The following RXRG variants were observed in gnomAD, a reference collection of about 807,000 sequenced individuals.
RXRG encodes retinoid X receptor gamma, also known as retinoic acid receptor RXR-gamma.
In RXRG, 19 loss-of-function variants were observed where a neutral mutation model predicts 49.2. That is an observed-to-expected ratio of 0.39 (90% CI 0.27 to 0.57). The LOEUF (loss-of-function observed/expected upper bound fraction) is 0.57. Ranked by LOEUF, RXRG falls within the 20% of genes least tolerant of loss-of-function variation. RXRG has a pLI of 0.64. For missense variants in RXRG, 452 were observed against 592.5 expected, an observed-to-expected ratio of 0.76 and a Z score of 2.46; for synonymous variants, 224 against 216.6, an observed-to-expected ratio of 1.03 and a Z score of -0.30.
intron 2 of RXRG, among the ~76,000 whole-genome samples, chr1:165,423,706 G>A (rs527615059): frequency 6.6e-6 from 1 of 151,946 alleles, no homozygotes; most frequent in African/African-American, 2.4e-5. Context: ...GTGTTGCTGG[G>A]GGCGGTGGGG....
chr1:165,417,638 A>G (rs977276707), intron 3 of RXRG, among the ~76,000 whole-genome samples: 1 of 152,234 alleles, frequency 6.6e-6, no homozygotes, highest in African/African-American at 2.4e-5. Context: ...ATTATAATTG[A>G]GACCCAAGTT....
At position 165,444,830 on chromosome 1, in the gene RXRG, A is replaced by G. The variant is rs1659109989; in HGVS notation, c.49+15T>C. The stretch of plus-strand genomic sequence containing the variant: ...CATACAGGTCCACGCAGTGAAGCCC[A>G]AGGGAGATACTTACCTCCATAGCCT... On this transcript the variant is annotated intron_variant, in intron 1 of 9. Transcript: ENST00000359842. The G allele has an allele frequency of 1.2e-6, 2 of 1,611,358 alleles. No individual in the cohort carries two copies. Among genetic ancestry groups the G allele is most frequent in the African/African-American group, 1.3e-5 (1 of 74,880 alleles).
intron 9 of RXRG, among the ~76,000 whole-genome samples, chr1:165,402,236 C>T (rs974939308): frequency 3.3e-5 from 5 of 152,172 alleles, no homozygotes; most frequent in African/African-American, 1.2e-4. Flanking sequence ...AGGCTCCCAC[C>T]ACAATGCCTG....
chr1:165,413,433 G>T (rs1026482026), intron 4 of RXRG, among the ~76,000 whole-genome samples: 2 of 152,080 alleles, frequency 1.3e-5, no homozygotes, highest in African/African-American at 4.8e-5. Context: ...ATAATGCTCT[G>T]ACATACTACG....
At chr1:165,429,056 G>A in intron 1 of RXRG, 90 bp from the exon 2 acceptor site, 2 of 1,410,884 alleles carry the variant, frequency 1.4e-6, no homozygotes, top group Non-Finnish European at 1.9e-6. Context: ...TTTCTTTCCT[G>A]TATCCTGCCC....
At chr1:165,426,020 T>C (rs1319007557) in intron 2 of RXRG, among the ~76,000 whole-genome samples, 1 of 152,246 alleles carries the variant, frequency 6.6e-6, no homozygotes, top group East Asian at 1.9e-4. Flanking sequence ...TGTGGCTCTG[T>C]TTTTGACTGG....
intron 2 of RXRG, among the ~76,000 whole-genome samples, chr1:165,421,684 G>A (rs1044585084): frequency 6.6e-5 from 10 of 151,946 alleles, no homozygotes; most frequent in Admixed American, 2.6e-4. Context: ...AGCATGCCAC[G>A]ACACTTAGCT....
At chr1:165,436,505 A>ACCTT (rs1490971730) in intron 1 of RXRG, among the ~76,000 whole-genome samples, 3 of 152,260 alleles carry the variant, frequency 2.0e-5, no homozygotes, top group African/African-American at 7.2e-5. Context: ...TTTGGTATGT[A>ACCTT]CCTTTTTCTT....
chr1:165,408,737 C>T (rs747401139), intron 7 of RXRG, among the ~76,000 whole-genome samples: 8 of 152,134 alleles, frequency 5.3e-5, no homozygotes, highest in Non-Finnish European at 8.8e-5. Context: ...CCGGTTACCA[C>T]GAAGGGGGAT....
chr1:165,419,101 G>A (rs1658227035), intron 3 of RXRG, among the ~76,000 whole-genome samples: 1 of 152,146 alleles, frequency 6.6e-6, no homozygotes, highest in Admixed American at 6.5e-5. Context: ...GATGGGGAGG[G>A]AAATATGGGG....
rs367864246 is a variant in RXRG at position 165,412,734 on chromosome 1, C to T, written c.623-1625G>A. ...CCCCCTTGGGCTCATCTCTCCATCT[C>T]CCTTTTTGGCCTCTTCCTCTCTCTC... On this transcript the variant is annotated intron_variant, in intron 4 of 9. Transcript: ENST00000359842. Among the ~76,000 whole-genome samples, 6 of 152,310 alleles carry T rather than the reference C, an allele frequency of 3.9e-5. No individual in the cohort carries two copies. The South Asian group carries it at 1.2e-3, about 32-fold the overall frequency.
In RXRG at chr1:165,401,082, A is replaced by G. The variant is rs934924702; in HGVS notation, c.*181T>C. On this transcript the variant is annotated 3_prime_UTR_variant, in exon 10 of 10. Coordinates refer to ENST00000359842, the MANE Select transcript of RXRG (RefSeq NM_006917.5). ...TAGACAGCAAAGCGTATTACCTTTA[A>G]CATCTATACAAAAGTCCACCTATAA... is the stretch of plus-strand genomic sequence containing the variant. 3.9e-5 allele frequency: 23 copies of G among 594,070 alleles called. No individual in the cohort carries two copies. Among genetic ancestry groups the G allele is most frequent in the Middle Eastern group, 4.5e-4 (1 of 2,236 alleles). 36.8% of individuals were successfully genotyped at this position (594,070 alleles called of 1,614,324 possible). A position where few individuals can be genotyped will look rare whatever the true frequency, so the allele number is the denominator to read the frequency against.
intron 1 of RXRG, among the ~76,000 whole-genome samples, chr1:165,433,553 C>T (rs76135135): frequency 4.1e-4 from 63 of 152,324 alleles, no homozygotes; most frequent in Non-Finnish European, 4.4e-4. Flanking sequence ...AATGAAAAAG[C>T]GCTAGTGGAG....
chr1:165,430,041 G>A (rs1284140160), intron 1 of RXRG, among the ~76,000 whole-genome samples: 2 of 152,170 alleles, frequency 1.3e-5, no homozygotes, highest in African/African-American at 4.8e-5. Flanking sequence ...CAGCTAGCAT[G>A]CAAGAACAGA....
intron 9 of RXRG, among the ~76,000 whole-genome samples, chr1:165,404,415 C>T (rs1025083727): frequency 1.3e-5 from 2 of 152,194 alleles, no homozygotes; most frequent in Non-Finnish European, 2.9e-5. Flanking sequence ...GCAGAAGAGT[C>T]AAGTTCCAAA....
chr1:165,421,351 C>T (rs1449354501), intron 2 of RXRG, among the ~76,000 whole-genome samples: 1 of 152,030 alleles, frequency 6.6e-6, no homozygotes, highest in East Asian at 1.9e-4. Context: ...CCAGCACCAC[C>T]CCTTTTTTTA....
chr1:165,436,935 G>T (rs113104742), intron 1 of RXRG: 1 of 1,130,098 alleles, frequency 8.8e-7, no homozygotes, highest in South Asian at 2.0e-5. Flanking sequence ...GGAAAAGCCT[G>T]TTATCATCTT....
chr1:165,402,928 C>T (rs933056156), intron 9 of RXRG, among the ~76,000 whole-genome samples: 5 of 146,044 alleles, frequency 3.4e-5, no homozygotes, highest in African/African-American at 1.3e-4. Context: ...CACATACATG[C>T]ACATGCACAC....
At chr1:165,424,465 T>C (rs1658418219) in intron 2 of RXRG, among the ~76,000 whole-genome samples, 1 of 152,244 alleles carries the variant, frequency 6.6e-6, no homozygotes, top group Admixed American at 6.5e-5. Flanking sequence ...TTCTTTGACA[T>C]GCCTAAAAAA....
Sources: allele counts gnomAD v4.1 joint callset (sites outside exome capture counted in the v4.1 genomes callset), GRCh38; gene constraint gnomAD v4.1.1; transcripts MANE v1.5; gene names NCBI Gene and HGNC (gene_info 2026-07-23, HGNC 2026-07-21).